ITFG1: variants seen among roughly 807,000 people sequenced by gnomAD.
The protein encoded by ITFG1 is integrin alpha FG-GAP repeat containing 1, also known as T-cell immunomodulatory protein.
A neutral mutation model predicts 81.8 loss-of-function variants in ITFG1; 34 were observed. The observed-to-expected ratio is 0.42, with a 90% CI of 0.32 to 0.55. ITFG1 has a LOEUF of 0.55. Ranked by LOEUF, ITFG1 falls within the 20% of genes least tolerant of loss-of-function variation. The pLI, the probability that ITFG1 is intolerant of heterozygous loss-of-function variation, is 0.17. For synonymous variants in ITFG1, 285 were observed against 270.6 expected (o/e 1.05, Z -0.52); for missense variants, 672 against 755.4 (o/e 0.89, Z 1.29).
At chr16:47,323,704 T>C (rs761527183) in intron 8 of ITFG1, among the ~76,000 whole-genome samples, 4 of 152,078 alleles carry the variant, frequency 2.6e-5, no homozygotes, top group Non-Finnish European at 4.4e-5. Flanking sequence ...CTCTCCAATA[T>C]GTGAATCAAG....
chr16:47,338,513 T>C (rs1461740633), intron 8 of ITFG1, among the ~76,000 whole-genome samples: 1 of 152,090 alleles, frequency 6.6e-6, no homozygotes, highest in Non-Finnish European at 1.5e-5. Flanking sequence ...CATTATAATA[T>C]CTAAATGTTC....
At chr16:47,257,014 A>G (rs2151540876) in intron 12 of ITFG1, among the ~76,000 whole-genome samples, 1 of 152,356 alleles carries the variant, frequency 6.6e-6, no homozygotes, top group East Asian at 1.9e-4. Context: ...AATATGATAC[A>G]AAGCATCTAC....
In ITFG1 at chr16:47,460,954, G is replaced by C; in HGVS notation, c.92C>G (p.Ala31Gly). 6.2e-7 allele frequency: 1 copy of C among 1,607,526 alleles called. No individual in the cohort carries two copies. The highest frequency in any genetic ancestry group is 1.7e-5 in the Admixed American group (1 of 59,290). ...GGCCGTGACGTTGTGCAGCGCCCGC[G>C]CTGGGACCGGCCCGACTCCCAGTAG... ...LALLGVGPVP[A>G]RALHNVTAEL... The change falls in exon 1 of 18, where the codon GCG becomes GGG. Residue 31 changes from alanine to glycine, a missense_variant. Ala to Gly is a moderately conservative substitution (Grantham distance 60). This residue lies in a region of ITFG1 where 560 missense variants were observed against 625.7 expected (regional missense o/e 0.90). Transcript: ENST00000320640.
chr16:47,198,733 T>C (rs956058487), intron 14 of ITFG1, among the ~76,000 whole-genome samples: 8 of 152,170 alleles, frequency 5.3e-5, no homozygotes, highest in African/African-American at 1.9e-4. Context: ...GACACTGATG[T>C]TGGTGATCCT....
chr16:47,201,401 G>T (rs565670479), intron 14 of ITFG1, among the ~76,000 whole-genome samples: 6 of 152,056 alleles, frequency 3.9e-5, no homozygotes, highest in African/African-American at 1.4e-4. Context: ...TTACAGACAG[G>T]TTTCACCGTG....
chr16:47,303,916 C>T (rs1330862312), intron 10 of ITFG1, among the ~76,000 whole-genome samples: 1 of 152,146 alleles, frequency 6.6e-6, no homozygotes, highest in Non-Finnish European at 1.5e-5. Context: ...AGACTTGAGC[C>T]ACCACACCTG....
At chr16:47,278,927 GCATT>G (rs1966424977) in intron 10 of ITFG1, among the ~76,000 whole-genome samples, 1 of 152,084 alleles carries the variant, frequency 6.6e-6, no homozygotes, top group Non-Finnish European at 1.5e-5. Flanking sequence ...CATTTCTTCT[GCATT>G]CAAAGTTTAA....
chr16:47,264,226 G>A (rs184964086), intron 10 of ITFG1, among the ~76,000 whole-genome samples: 2 of 151,870 alleles, frequency 1.3e-5, no homozygotes, highest in Non-Finnish European at 2.9e-5. Flanking sequence ...ATATAAATAT[G>A]TAAATACATA....
intron 5 of ITFG1, chr16:47,450,242 T>A (rs770748752): frequency 5.7e-6 from 1 of 175,430 alleles, no homozygotes; most frequent in East Asian, 1.8e-4. Context: ...CTTCAAGATA[T>A]TTTTCAAATT....
intron 8 of ITFG1, among the ~76,000 whole-genome samples, chr16:47,350,718 GC>G (rs1220791435): frequency 3.9e-5 from 6 of 152,098 alleles, no homozygotes; most frequent in Non-Finnish European, 8.8e-5. Flanking sequence ...ATTTTATGAG[GC>G]CAGCATCATC....
intron 10 of ITFG1, among the ~76,000 whole-genome samples, chr16:47,264,545 TACAC>T (rs60424367): frequency 0.11 from 14,532 of 135,950 alleles, 752 homozygotes; most frequent in Middle Eastern, 0.13. Context: ...TGTTCTCTAT[TACAC>T]ACACACACAC....
intron 10 of ITFG1, among the ~76,000 whole-genome samples, chr16:47,310,643 A>C (rs911040564): frequency 2.0e-5 from 3 of 152,268 alleles, no homozygotes; most frequent in African/African-American, 7.2e-5. Flanking sequence ...AAGTATCAAC[A>C]GTCATGGTGG....
intron 14 of ITFG1, among the ~76,000 whole-genome samples, chr16:47,216,672 A>T (rs115627688): frequency 0.098 from 14,686 of 150,564 alleles, 1,438 homozygotes; most frequent in African/African-American, 0.25. Context: ...TTATTTATTT[A>T]TTTTTTTTTG....
At chr16:47,232,593 T>G (rs936209121) in intron 13 of ITFG1, among the ~76,000 whole-genome samples, 1 of 151,830 alleles carries the variant, frequency 6.6e-6, no homozygotes, top group Non-Finnish European at 1.5e-5. Flanking sequence ...AATGATATTT[T>G]TGAAGTTGGG....
At chr16:47,327,591 A>G (rs1967569783) in intron 8 of ITFG1, among the ~76,000 whole-genome samples, 2 of 152,226 alleles carry the variant, frequency 1.3e-5, no homozygotes, top group African/African-American at 2.4e-5. Flanking sequence ...CAAAGGGCTA[A>G]TATCCAGAAT....
intron 13 of ITFG1, among the ~76,000 whole-genome samples, chr16:47,228,857 T>A (rs915498905): frequency 1.3e-5 from 2 of 152,238 alleles, no homozygotes; most frequent in Non-Finnish European, 2.9e-5. Context: ...CTGTGAGCAT[T>A]AATAGGGAAT....
At chr16:47,409,662 C>T (rs912323265) in intron 6 of ITFG1, among the ~76,000 whole-genome samples, 1 of 150,568 alleles carries the variant, frequency 6.6e-6, no homozygotes, top group African/African-American at 2.4e-5. Flanking sequence ...TGTGATCCAC[C>T]CGCCTCGGCC....
chr16:47,442,337 G>A (rs1969263410), intron 5 of ITFG1, among the ~76,000 whole-genome samples: 1 of 151,972 alleles, frequency 6.6e-6, no homozygotes, highest in African/African-American at 2.4e-5. Flanking sequence ...CTACTTTAAA[G>A]TTCATATGGA....
chr16:47,201,076 A>G (rs1241211086), intron 14 of ITFG1, among the ~76,000 whole-genome samples: 1 of 152,236 alleles, frequency 6.6e-6, no homozygotes, highest in Non-Finnish European at 1.5e-5. Context: ...TGTTCTCTAC[A>G]GATTTAATCA....
Sources: allele counts gnomAD v4.1 joint callset (sites outside exome capture counted in the v4.1 genomes callset), GRCh38; gene constraint gnomAD v4.1.1; regional missense constraint gnomAD v4.1.1; transcripts MANE v1.5; gene names NCBI Gene and HGNC (gene_info 2026-07-23, HGNC 2026-07-21).